The following LRP1B variants were observed in gnomAD, a reference collection of about 807,000 sequenced individuals.
LRP1B encodes the protein low-density lipoprotein receptor-related protein 1B.
Under a neutral mutation model 556.6 loss-of-function variants are expected in LRP1B, and 217 were observed. That is an observed-to-expected ratio of 0.39 (90% CI 0.35 to 0.44). The LOEUF is 0.44. LRP1B is among the 20% of genes least tolerant of loss of function. The pLI is 1.00. For synonymous variants in LRP1B, 2,047 were observed against 1,865.8 expected (o/e 1.10, Z -2.50); for missense variants, 5,053 against 5,620.8 (o/e 0.90, Z 3.23).
intron 3 of LRP1B, among the ~76,000 whole-genome samples, chr2:141,266,986 T>A (rs558290777): frequency 2.2e-4 from 34 of 152,290 alleles, no homozygotes; most frequent in Non-Finnish European, 4.3e-4. Context: ...AAGCAAAATA[T>A]GTTTGTGTGA....
intron 3 of LRP1B, among the ~76,000 whole-genome samples, chr2:141,267,270 C>T (rs1684925433): frequency 1.3e-5 from 2 of 152,146 alleles, no homozygotes; most frequent in African/African-American, 2.4e-5. Flanking sequence ...TCTACTTGTG[C>T]TATCTCTTAC....
intron 3 of LRP1B, among the ~76,000 whole-genome samples, chr2:141,400,933 T>G (rs1362540357): frequency 6.6e-6 from 1 of 152,208 alleles, no homozygotes; most frequent in Non-Finnish European, 1.5e-5. Flanking sequence ...CCAATATAGA[T>G]GCATCATTCC....
At chr2:140,748,468 G>C (rs1442125099) in intron 35 of LRP1B, among the ~76,000 whole-genome samples, 2 of 86,558 alleles carry the variant, frequency 2.3e-5, no homozygotes, top group Admixed American at 2.8e-4. Flanking sequence ...ACACACATAG[G>C]ACTTAAAAAA....
chr2:141,257,939 A>G (rs2105346443), intron 3 of LRP1B, among the ~76,000 whole-genome samples: 1 of 152,386 alleles, frequency 6.6e-6, no homozygotes, highest in Non-Finnish European at 1.5e-5. Context: ...ATATCAGATT[A>G]ATTTTGTTAG....
intron 1 of LRP1B, among the ~76,000 whole-genome samples, chr2:141,932,671 T>C (rs1558969959): frequency 6.6e-6 from 1 of 152,068 alleles, no homozygotes; most frequent in African/African-American, 2.4e-5. Flanking sequence ...AAATAAACTT[T>C]GATATAGATT....
At chr2:140,307,039 T>C (rs2105019729) in intron 83 of LRP1B, among the ~76,000 whole-genome samples, 1 of 152,168 alleles carries the variant, frequency 6.6e-6, no homozygotes, top group African/African-American at 2.4e-5. Context: ...ATTTCACTTA[T>C]ATCACATGTC....
At chr2:141,995,291 T>A (rs1702457174) in intron 1 of LRP1B, among the ~76,000 whole-genome samples, 1 of 152,164 alleles carries the variant, frequency 6.6e-6, no homozygotes, top group African/African-American at 2.4e-5. Context: ...TTCCAAATTC[T>A]ACTAGCTGCC....
At chr2:140,477,542 A>T (rs1365614297) in intron 59 of LRP1B, among the ~76,000 whole-genome samples, 6 of 152,132 alleles carry the variant, frequency 3.9e-5, no homozygotes, top group Non-Finnish European at 7.4e-5. Flanking sequence ...ATTAAATTTG[A>T]TCAGTACATG....
At chr2:141,300,041 C>G (rs1362796379) in intron 3 of LRP1B, among the ~76,000 whole-genome samples, 1 of 152,146 alleles carries the variant, frequency 6.6e-6, no homozygotes, top group Non-Finnish European at 1.5e-5. Flanking sequence ...AAAGAGACCC[C>G]AGAGAGCTCT....
intron 3 of LRP1B, among the ~76,000 whole-genome samples, chr2:141,338,238 C>T (rs2683861): frequency 0.6 from 91,552 of 151,950 alleles, 28,459 homozygotes; most frequent in African/African-American, 0.68. Context: ...TTCTGTGGGA[C>T]CCCATTACCA....
intron 41 of LRP1B, among the ~76,000 whole-genome samples, chr2:140,675,463 TTTGA>T (rs1426998766): frequency 2.6e-5 from 4 of 152,190 alleles, no homozygotes; most frequent in African/African-American, 9.6e-5. Context: ...ATAAAATACA[TTTGA>T]TTAAGTTATA....
At chr2:141,508,705 G>A (rs940458871) in intron 2 of LRP1B, among the ~76,000 whole-genome samples, 1 of 151,750 alleles carries the variant, frequency 6.6e-6, no homozygotes, top group Non-Finnish European at 1.5e-5. Flanking sequence ...ATAATTACTA[G>A]GAAGAGGCAA....
At chr2:140,311,369 T>A (rs1558791348) in intron 83 of LRP1B, among the ~76,000 whole-genome samples, 1 of 151,846 alleles carries the variant, frequency 6.6e-6, no homozygotes, top group Non-Finnish European at 1.5e-5. Context: ...AATAAAATCA[T>A]GTTTTTTGTA....
intron 1 of LRP1B, among the ~76,000 whole-genome samples, chr2:141,825,287 T>TA (rs1696885243): frequency 6.6e-6 from 1 of 152,168 alleles, no homozygotes; most frequent in African/African-American, 2.4e-5. Flanking sequence ...CATGAAGGTG[T>TA]AGCACAGATA....
chr2:140,857,108 A>G (rs572103803), intron 27 of LRP1B, among the ~76,000 whole-genome samples: 2 of 152,296 alleles, frequency 1.3e-5, no homozygotes, highest in Admixed American at 1.3e-4. Context: ...CTCACCAGGG[A>G]AAAGAAAAAA....
chr2:140,754,465 A>C (rs78225669), intron 35 of LRP1B, among the ~76,000 whole-genome samples: 1 of 152,218 alleles, frequency 6.6e-6, no homozygotes, highest in South Asian at 2.1e-4. Context: ...CATTAAAATC[A>C]TACAAAGTGT....
At chr2:141,191,675 A>G (rs543161336) in intron 6 of LRP1B, among the ~76,000 whole-genome samples, 4 of 86,936 alleles carry the variant, frequency 4.6e-5, no homozygotes, top group African/African-American at 1.3e-4. Flanking sequence ...CCAAACAAAA[A>G]TAAGCTTTTT....
chr2:141,924,383 AC>A (rs1383801305), intron 1 of LRP1B, among the ~76,000 whole-genome samples: 2 of 152,024 alleles, frequency 1.3e-5, no homozygotes, highest in Admixed American at 1.3e-4. Flanking sequence ...AGCCACCTCC[AC>A]CATTCCATAA....
chr2:140,347,295 GA>G (rs545093323), intron 77 of LRP1B, among the ~76,000 whole-genome samples: 3 of 148,242 alleles, frequency 2.0e-5, no homozygotes, highest in African/African-American at 2.5e-5. Flanking sequence ...TTTCTTAAAC[GA>G]AAAAAAAATC....
Sources: gnomAD v4.1 joint callset for allele counts (sites outside exome capture counted in the v4.1 genomes callset) on GRCh38, gnomAD v4.1.1 for gene constraint, MANE v1.5 for transcripts, NCBI Gene and HGNC (gene_info 2026-07-23, HGNC 2026-07-21) for gene names.